SPIDR: variants seen among roughly 807,000 people sequenced by gnomAD.
The protein encoded by SPIDR is scaffold protein involved in DNA repair.
In SPIDR, 93 loss-of-function variants were observed where a neutral mutation model predicts 104.6. The observed-to-expected ratio is 0.89, with a 90% CI of 0.75 to 1.06. The LOEUF (loss-of-function observed/expected upper bound fraction) is 1.06, where lower values mean the gene tolerates loss of function less well. SPIDR is among the 50% of genes least tolerant of loss of function. The pLI is 0.00. For synonymous variants in SPIDR, 431 were observed against 416.9 expected (o/e 1.03, Z -0.41); for missense variants, 1,154 against 1,111.2 (o/e 1.04, Z -0.55).
chr8:47,713,883 C>T (rs1239471458), intron 16 of SPIDR, among the ~76,000 whole-genome samples: 1 of 152,130 alleles, frequency 6.6e-6, no homozygotes, highest in Non-Finnish European at 1.5e-5. Flanking sequence ...CCGCTGATAA[C>T]CTGGGCCCAC....
chr8:47,470,357 C>T (rs149322171), intron 8 of SPIDR, among the ~76,000 whole-genome samples: 283 of 152,246 alleles, frequency 1.9e-3, no homozygotes, highest in Non-Finnish European at 2.8e-3. Context: ...GACACGATCT[C>T]GGCTCACCGC....
intron 8 of SPIDR, among the ~76,000 whole-genome samples, chr8:47,510,242 G>A (rs1412370437): frequency 6.6e-6 from 1 of 152,164 alleles, no homozygotes; most frequent in East Asian, 1.9e-4. Flanking sequence ...TTGGCAAAAT[G>A]TCTGTGTCAA....
chr8:47,735,111 G>GTGTGT (rs2086028657), intron 19 of SPIDR, among the ~76,000 whole-genome samples, 196 bp from the exon 20 acceptor site: 1 of 135,182 alleles, frequency 7.4e-6, no homozygotes, highest in African/African-American at 3.0e-5. Context: ...TGTGTGTGTG[G>GTGTGT]GTGTGTGTGT....
At chr8:47,466,900 A>AAAAAAT (rs34970317) in intron 8 of SPIDR, among the ~76,000 whole-genome samples, 4 of 114,340 alleles carry the variant, frequency 3.5e-5, no homozygotes, top group African/African-American at 7.2e-5. Flanking sequence ...AAAAAAAAAA[A>AAAAAAT]ATATATATAT....
chr8:47,523,614 G>A (rs1193053158), intron 8 of SPIDR, among the ~76,000 whole-genome samples: 4 of 152,156 alleles, frequency 2.6e-5, no homozygotes, highest in African/African-American at 4.8e-5. Flanking sequence ...TCTCCCTGCC[G>A]GCTGGTGATG....
intron 10 of SPIDR, among the ~76,000 whole-genome samples, chr8:47,614,862 T>A (rs2064085927): frequency 6.6e-6 from 1 of 152,200 alleles, no homozygotes; most frequent in Non-Finnish European, 1.5e-5. Flanking sequence ...CCAGCATCTG[T>A]TGTTTCTTGA....
At chr8:47,632,612 C>T (rs2067241206) in intron 10 of SPIDR, among the ~76,000 whole-genome samples, 1 of 152,128 alleles carries the variant, frequency 6.6e-6, no homozygotes, top group Admixed American at 6.5e-5. Context: ...TCGGCAAACT[C>T]TAATGGTCCT....
chr8:47,582,867 CACAT>C (rs199572320), intron 8 of SPIDR, among the ~76,000 whole-genome samples: 2,965 of 134,684 alleles, frequency 0.022, 46 homozygotes, highest in Non-Finnish European at 0.037. Flanking sequence ...CACACACACA[CACAT>C]ATTTTTAAAA....
At chr8:47,548,927 A>G (rs1026192184) in intron 8 of SPIDR, among the ~76,000 whole-genome samples, 5 of 151,694 alleles carry the variant, frequency 3.3e-5, no homozygotes, top group Admixed American at 2.0e-4. Context: ...TTCTCCCCCT[A>G]CCCCATGACA....
intron 8 of SPIDR, among the ~76,000 whole-genome samples, chr8:47,531,144 A>G (rs2085924943): frequency 6.6e-6 from 1 of 152,048 alleles, no homozygotes; most frequent in South Asian, 2.1e-4. Flanking sequence ...TGTTCTTCCC[A>G]CCTTGGCCTC....
chr8:47,320,011 G>T (rs2046229370), intron 5 of SPIDR, among the ~76,000 whole-genome samples: 2 of 151,770 alleles, frequency 1.3e-5, no homozygotes, highest in South Asian at 4.2e-4. Flanking sequence ...ATCTAAAATT[G>T]ACACCCTAAC....
intron 5 of SPIDR, among the ~76,000 whole-genome samples, chr8:47,349,383 C>A (rs2052929647): frequency 6.6e-6 from 1 of 152,228 alleles, no homozygotes; most frequent in Non-Finnish European, 1.5e-5. Flanking sequence ...TGTCAGTCAG[C>A]CCCTACTGGG....
intron 8 of SPIDR, chr8:47,592,530 G>T: frequency 7.3e-7 from 1 of 1,371,438 alleles, no homozygotes; most frequent in Non-Finnish European, 1.0e-6. Flanking sequence ...CTCTCATCTG[G>T]TTCTGCTTTG....
intron 5 of SPIDR, among the ~76,000 whole-genome samples, chr8:47,304,259 C>T (rs1323990788): frequency 6.6e-6 from 1 of 152,048 alleles, no homozygotes; most frequent in East Asian, 1.9e-4. Context: ...GAAATGGGGC[C>T]TGGTGGAAGG....
At chr8:47,625,555 C>G (rs2065925042) in intron 10 of SPIDR, among the ~76,000 whole-genome samples, 1 of 151,942 alleles carries the variant, frequency 6.6e-6, no homozygotes, top group South Asian at 2.1e-4. Context: ...GATACAAAAT[C>G]AATGTGCAAA....
intron 5 of SPIDR, among the ~76,000 whole-genome samples, chr8:47,321,616 A>G (rs931208445): frequency 3.3e-5 from 5 of 152,170 alleles, no homozygotes; most frequent in African/African-American, 9.7e-5. Context: ...TATGGAACCA[A>G]AAAAGAGCCG....
At chr8:47,289,650 A>G (rs2039536679) in intron 3 of SPIDR, among the ~76,000 whole-genome samples, 1 of 152,212 alleles carries the variant, frequency 6.6e-6, no homozygotes, top group African/African-American at 2.4e-5. Flanking sequence ...GATCACCAGT[A>G]CATTGCAGGT....
chr8:47,699,138 C>CA (rs2079775339), intron 11 of SPIDR, among the ~76,000 whole-genome samples: 1 of 151,960 alleles, frequency 6.6e-6, no homozygotes, highest in African/African-American at 2.4e-5. Flanking sequence ...GATTTTTTAG[C>CA]AAAAAACAGC....
At position 47,653,886 on chromosome 8, in the gene SPIDR, CAAAGGAAAA is replaced by C. The variant is rs1459658250; in HGVS notation, c.1545-19904_1545-19896del. On this transcript the variant is annotated intron_variant, in intron 10 of 19. Coordinates refer to ENST00000297423, the MANE Select transcript of SPIDR (RefSeq NM_001080394.4). ...AAAAAAAAACAAACCACTTTTAATG[CAAAGGAAAA>C]AAAGGAAAAAGAATTGTTTACACTA... 6.1e-5 allele frequency: 50 copies of C among 822,066 alleles called. No individual in the cohort carries two copies. In the African/African-American group the frequency reaches 7.5e-4, roughly 12 times the overall value. 50.9% of individuals were successfully genotyped at this position (822,066 alleles called of 1,614,324 possible).
Sources: allele counts gnomAD v4.1 joint callset (sites outside exome capture counted in the v4.1 genomes callset), GRCh38; gene constraint gnomAD v4.1.1; transcripts MANE v1.5; gene names NCBI Gene and HGNC (gene_info 2026-07-23, HGNC 2026-07-21).